The following ERC2 variants were observed in gnomAD, a reference collection of about 807,000 sequenced individuals.
The protein encoded by ERC2 is ERC protein 2.
ERC2 carries 42 observed loss-of-function variants against 114.8 expected under a neutral mutation model. That is an observed-to-expected ratio of 0.37 (90% CI 0.29 to 0.47). ERC2 has a LOEUF of 0.47. Among genes scored for constraint, ERC2 ranks in the 20% least tolerant of loss-of-function variants. ERC2 has a pLI of 0.99. For missense variants in ERC2, 939 were observed against 1,150.7 expected, an observed-to-expected ratio of 0.82 and a Z score of 2.66; for synonymous variants, 454 against 425.5, an observed-to-expected ratio of 1.07 and a Z score of -0.82.
intron 3 of ERC2, among the ~76,000 whole-genome samples, chr3:56,198,489 T>C (rs2048234338): frequency 6.6e-6 from 1 of 152,050 alleles, no homozygotes; most frequent in African/African-American, 2.4e-5. Flanking sequence ...CTATGGCAGA[T>C]GATAGGTAGA....
At chr3:56,063,546 G>A (rs1208802610) in intron 7 of ERC2, among the ~76,000 whole-genome samples, 1 of 152,164 alleles carries the variant, frequency 6.6e-6, no homozygotes, top group African/African-American at 2.4e-5. Flanking sequence ...CTACTATGCT[G>A]AGAAAAATTC....
chr3:55,557,813 A>G (rs1395068268), intron 17 of ERC2, among the ~76,000 whole-genome samples: 1 of 152,190 alleles, frequency 6.6e-6, no homozygotes, highest in Non-Finnish European at 1.5e-5. Context: ...TGTCTGGAAC[A>G]CCACCCTTTT....
intron 3 of ERC2, among the ~76,000 whole-genome samples, chr3:56,227,972 T>A (rs1451117267): frequency 6.6e-6 from 1 of 152,094 alleles, no homozygotes; most frequent in Non-Finnish European, 1.5e-5. Flanking sequence ...GATAACAACA[T>A]GAAAGAATTT....
chr3:56,430,274 T>A (rs995188091), intron 2 of ERC2, among the ~76,000 whole-genome samples: 8 of 152,218 alleles, frequency 5.3e-5, no homozygotes, highest in Admixed American at 2.0e-4. Flanking sequence ...TTCTTCCATA[T>A]AGAAAAAGTT....
rs116940275 is a variant in ERC2 at position 56,355,797 on chromosome 3, C to T, written c.658-59362G>A. 5.3e-5 allele frequency among the ~76,000 whole-genome samples: 8 copies of T among 152,200 alleles called. No individual in the cohort carries two copies. In the East Asian group the frequency reaches 1.4e-3, roughly 26 times the overall value. On this transcript the variant is annotated intron_variant, in intron 2 of 17. Coordinates refer to ENST00000288221, the MANE Select transcript of ERC2 (RefSeq NM_015576.3). ...CTCTCAGATAAACAAAAAACAAGTC[C>T]ATTGAATCCCAGAATAACTTGAAAC...
chr3:55,675,139 A>G (rs2061728076), intron 17 of ERC2, among the ~76,000 whole-genome samples: 1 of 152,212 alleles, frequency 6.6e-6, no homozygotes, highest in Non-Finnish European at 1.5e-5. Context: ...GACCTGGCAC[A>G]GTGGAAGTTC....
At chr3:56,370,200 T>C (rs746266618) in intron 2 of ERC2, among the ~76,000 whole-genome samples, 4 of 152,230 alleles carry the variant, frequency 2.6e-5, no homozygotes, top group Non-Finnish European at 5.9e-5. Flanking sequence ...ATCAGAGCAG[T>C]GTTCCCAATG....
intron 10 of ERC2, among the ~76,000 whole-genome samples, chr3:55,997,922 G>T (rs13098225): frequency 0.47 from 16,530 of 35,526 alleles, 3,307 homozygotes; most frequent in South Asian, 0.55. Context: ...GTGTGTGTGT[G>T]TTTTTTGTTT....
chr3:56,388,479 G>A (rs1390326242), intron 2 of ERC2, among the ~76,000 whole-genome samples: 4 of 152,098 alleles, frequency 2.6e-5, no homozygotes, highest in East Asian at 1.9e-4. Flanking sequence ...TGTACAACCC[G>A]TGGAACAATG....
intron 13 of ERC2, among the ~76,000 whole-genome samples, chr3:55,931,870 T>C (rs1479524862): frequency 1.3e-5 from 2 of 152,220 alleles, no homozygotes; most frequent in Non-Finnish European, 2.9e-5. Flanking sequence ...GTGTTCATCT[T>C]ATAAAAATCA....
intron 6 of ERC2, among the ~76,000 whole-genome samples, chr3:56,136,465 G>A (rs2080514042): frequency 6.6e-6 from 1 of 151,624 alleles, no homozygotes; most frequent in South Asian, 2.1e-4. Context: ...GGATACATGT[G>A]TGGGTTTGTT....
intron 14 of ERC2, among the ~76,000 whole-genome samples, chr3:55,871,752 A>C (rs1419492776): frequency 2.0e-5 from 3 of 152,208 alleles, no homozygotes; most frequent in African/African-American, 7.2e-5. Context: ...TCAGTGGTGT[A>C]ATCCTTCTGA....
chr3:56,295,640 T>C (rs1485073302), intron 3 of ERC2, among the ~76,000 whole-genome samples: 1 of 152,250 alleles, frequency 6.6e-6, no homozygotes, highest in Non-Finnish European at 1.5e-5. Flanking sequence ...GGTCATTGTG[T>C]TGCTAATCCT....
In ERC2 at chr3:56,467,971, C is replaced by CG. The variant is rs1577096781; in HGVS notation, c.-141+276dup. Among the ~76,000 whole-genome samples, 3 of 152,118 alleles carry CG rather than the reference C, an allele frequency of 2.0e-5. No homozygotes were observed. The East Asian group carries it at 5.9e-4, about 30-fold the overall frequency. On this transcript the variant is annotated intron_variant, in intron 1 of 17. Transcript: ENST00000288221. ...GACTGCGGGAGGTGGCCCGGGCAGCCGGGGCTAGCGAGCGGCGCCCGCGCG... is the reference window on the plus strand; with the variant it reads ...GACTGCGGGAGGTGGCCCGGGCAGCCGGGGGCTAGCGAGCGGCGCCCGCGCG...
chr3:55,650,614 G>A (rs1001720722), intron 17 of ERC2, among the ~76,000 whole-genome samples: 2 of 152,142 alleles, frequency 1.3e-5, no homozygotes, highest in Non-Finnish European at 2.9e-5. Context: ...GCAGAGTATT[G>A]TTTATTGCTT....
intron 12 of ERC2, among the ~76,000 whole-genome samples, chr3:55,956,151 G>C (rs2067938235): frequency 6.6e-6 from 1 of 152,162 alleles, no homozygotes; most frequent in South Asian, 2.1e-4. Context: ...AGAACAGCAA[G>C]TATTCCAAAT....
At chr3:56,462,866 C>T (rs1455394233) in intron 1 of ERC2, among the ~76,000 whole-genome samples, 1 of 152,174 alleles carries the variant, frequency 6.6e-6, no homozygotes, top group African/African-American at 2.4e-5. Flanking sequence ...GCAGTCTAAG[C>T]TGGTACTATG....
At chr3:56,398,506 T>C (rs1362184055) in intron 2 of ERC2, among the ~76,000 whole-genome samples, 1 of 152,144 alleles carries the variant, frequency 6.6e-6, no homozygotes, top group East Asian at 1.9e-4. Flanking sequence ...AAGTATCCCT[T>C]GTTTTTCTGA....
intron 3 of ERC2, among the ~76,000 whole-genome samples, chr3:56,281,518 C>G (rs556403133): frequency 2.0e-5 from 3 of 148,154 alleles, no homozygotes; most frequent in East Asian, 4.0e-4. Context: ...GGATATATAT[C>G]AATAATGATA....
Sources: gnomAD v4.1 joint callset for allele counts (sites outside exome capture counted in the v4.1 genomes callset) on GRCh38, gnomAD v4.1.1 for gene constraint, MANE v1.5 for transcripts, NCBI Gene and HGNC (gene_info 2026-07-23, HGNC 2026-07-21) for gene names.